HOPX: variants seen among roughly 807,000 people sequenced by gnomAD.
HOPX encodes the protein HOP homeobox.
A neutral mutation model predicts 11.8 loss-of-function variants in HOPX; 5 were observed. The observed-to-expected ratio is 0.43, with a 90% CI of 0.22 to 0.89. HOPX has a LOEUF of 0.89. Ranked by LOEUF, HOPX falls within the 40% of genes least tolerant of loss-of-function variation. HOPX has a pLI of 0.28. For synonymous variants in HOPX, 49 were observed against 49.7 expected, an observed-to-expected ratio of 0.99 and a Z score of 0.06; for missense variants, 119 against 120.0, an observed-to-expected ratio of 0.99 and a Z score of 0.04.
chr4:56,681,544 T>C, upstream of HOPX: 1 of 1,000,176 alleles, frequency 1.0e-6, no homozygotes, highest in Non-Finnish European at 1.2e-6. Context: ...GTCCCTGACC[T>C]CTCTCCTAGC....
chr4:56,669,466 C>T (rs925216269), intron 1 of HOPX, among the ~76,000 whole-genome samples: 1 of 152,106 alleles, frequency 6.6e-6, no homozygotes, highest in African/African-American at 2.4e-5. Flanking sequence ...CAAGAGCAGC[C>T]TGGCCAACAT....
At chr4:56,664,595 A>C (rs1251997275) in intron 1 of HOPX, 1 of 152,124 alleles carries the variant, frequency 6.6e-6, no homozygotes, top group African/African-American at 2.4e-5. Context: ...CCCCTTAAAA[A>C]AAAATCCAAT....
At chr4:56,665,787 C>T (rs578246729) in intron 1 of HOPX, 1 of 152,022 alleles carries the variant, frequency 6.6e-6, no homozygotes, top group South Asian at 2.1e-4. Flanking sequence ...CTTATATACC[C>T]TTCCCAAGGA....
chr4:56,653,301 C>G (rs1717386523), intron 3 of HOPX, among the ~76,000 whole-genome samples: 1 of 152,180 alleles, frequency 6.6e-6, no homozygotes, highest in Non-Finnish European at 1.5e-5. Flanking sequence ...AAGCAATCTT[C>G]CTGCCTCAGC....
chr4:56,677,613 G>A (rs73240575), intron 1 of HOPX, among the ~76,000 whole-genome samples: 7,847 of 151,690 alleles, frequency 0.052, 346 homozygotes, highest in East Asian at 0.18. Flanking sequence ...TGGATTGAAG[G>A]GGAGGTAAAA....
Position 56,648,661 on chromosome 4 carries a change from C to T in HOPX, c.*59G>A, listed in dbSNP as rs114220014. ...GAAAAACCACAACAGCTTGGTTAAG[C>T]GGAGGAGAGAAACAGAGATGGCCTT... On this transcript the variant is annotated 3_prime_UTR_variant, in exon 4 of 4. Transcript: ENST00000420433. The T allele has an allele frequency of 4.8e-4, 618 of 1,278,866 alleles. No homozygotes were observed. Among genetic ancestry groups the T allele is most frequent in the Non-Finnish European group, 6.4e-4 (569 of 890,512 alleles). The allele number at this position is 1,278,866 out of a possible 1,614,324, so 79.2% of individuals were successfully genotyped here.
upstream of HOPX, chr4:56,681,413 C>T: frequency 1.0e-6 from 1 of 985,794 alleles, no homozygotes. Context: ...AAACCTGCAG[C>T]GTGGGCAGGA....
chr4:56,677,228 G>GA (rs1478945434), intron 1 of HOPX, among the ~76,000 whole-genome samples: 2 of 151,606 alleles, frequency 1.3e-5, no homozygotes, highest in Non-Finnish European at 2.9e-5. Flanking sequence ...GACTAATTTA[G>GA]AAAAAACAAT....
intron 3 of HOPX, among the ~76,000 whole-genome samples, chr4:56,652,551 T>C (rs1717307570): frequency 6.6e-6 from 1 of 152,142 alleles, no homozygotes; most frequent in Non-Finnish European, 1.5e-5. Context: ...CTCATGCTTG[T>C]AATCCCAGCA....
At chr4:56,672,056 T>C (rs1183395327) in intron 1 of HOPX, among the ~76,000 whole-genome samples, 1 of 152,046 alleles carries the variant, frequency 6.6e-6, no homozygotes, top group Non-Finnish European at 1.5e-5. Flanking sequence ...TCCCAGTGAC[T>C]CAGGATATAA....
intron 1 of HOPX, among the ~76,000 whole-genome samples, chr4:56,670,275 T>C (rs1718665687): frequency 6.6e-6 from 1 of 152,192 alleles, no homozygotes; most frequent in African/African-American, 2.4e-5. Flanking sequence ...GGGTCAGATT[T>C]GTCAAACAAA....
intron 1 of HOPX, among the ~76,000 whole-genome samples, chr4:56,666,477 T>C (rs575358731): frequency 1.1e-4 from 16 of 152,332 alleles, no homozygotes; most frequent in Admixed American, 6.5e-4. Flanking sequence ...GGAAAGGGTG[T>C]CTGTGAATGA....
chr4:56,650,984 T>C (rs1717118885), intron 3 of HOPX: 2 of 554,994 alleles, frequency 3.6e-6, no homozygotes. Flanking sequence ...CTGTGGGGGG[T>C]TTCAAGGATG....
intron 1 of HOPX, among the ~76,000 whole-genome samples, chr4:56,661,379 G>A (rs924930842): frequency 1.3e-5 from 2 of 152,116 alleles, no homozygotes; most frequent in Non-Finnish European, 2.9e-5. Context: ...GTTGTTTCCA[G>A]ATTTTTTTCT....
intron 3 of HOPX, among the ~76,000 whole-genome samples, chr4:56,652,242 C>T (rs1717259907): frequency 6.6e-6 from 1 of 152,182 alleles, no homozygotes; most frequent in Non-Finnish European, 1.5e-5. Context: ...TCTCCCAAGA[C>T]AGAGAATGTT....
intron 1 of HOPX, among the ~76,000 whole-genome samples, chr4:56,666,522 G>A (rs1381748139): frequency 1.3e-5 from 2 of 152,182 alleles, no homozygotes; most frequent in Non-Finnish European, 2.9e-5. Context: ...GTCAACCCTG[G>A]ACATAAAACT....
chr4:56,658,852 T>G (rs1365504773), intron 1 of HOPX, among the ~76,000 whole-genome samples: 1 of 152,218 alleles, frequency 6.6e-6, no homozygotes, highest in African/African-American at 2.4e-5. Context: ...GTGGTTATAT[T>G]TTTCCTTTGT....
chr4:56,650,762 G>T (rs199550318), intron 3 of HOPX: 1 of 1,551,020 alleles, frequency 6.4e-7, no homozygotes, highest in Non-Finnish European at 8.7e-7. Context: ...CTTCTCTTTG[G>T]GGGCTACTTT....
chr4:56,668,718 T>C (rs1413374588), intron 1 of HOPX, among the ~76,000 whole-genome samples: 1 of 152,176 alleles, frequency 6.6e-6, no homozygotes, highest in Non-Finnish European at 1.5e-5. Flanking sequence ...GAGGGAATGT[T>C]TGTGTATCTG....
Sources: gnomAD v4.1 joint callset for allele counts (sites outside exome capture counted in the v4.1 genomes callset) on GRCh38, gnomAD v4.1.1 for gene constraint, MANE v1.5 for transcripts, NCBI Gene and HGNC (gene_info 2026-07-23, HGNC 2026-07-21) for gene names.